Variants in COL25A1 observed in about 807,000 individuals in gnomAD.
COL25A1 encodes collagen type XXV alpha 1 chain, also known as collagen alpha-1(XXV) chain.
COL25A1 carries 103 observed loss-of-function variants against 128.4 expected under a neutral mutation model. That is an observed-to-expected ratio of 0.80 (90% CI 0.68 to 0.94). COL25A1 has a LOEUF of 0.94. Among genes scored for constraint, COL25A1 ranks in the 40% least tolerant of loss-of-function variants. COL25A1 has a pLI of 0.00. For synonymous variants in COL25A1, 279 were observed against 277.2 expected, an observed-to-expected ratio of 1.01 and a Z score of -0.06; for missense variants, 745 against 840.0, an observed-to-expected ratio of 0.89 and a Z score of 1.40.
intron 3 of COL25A1, among the ~76,000 whole-genome samples, chr4:109,218,038 C>A (rs1156604594): frequency 1.3e-5 from 2 of 151,884 alleles, no homozygotes; most frequent in Non-Finnish European, 2.9e-5. Flanking sequence ...GGCTCCAGAG[C>A]CTACACCTTT....
chr4:108,876,277 GAGA>G (rs1421936429), intron 19 of COL25A1, among the ~76,000 whole-genome samples: 3 of 151,746 alleles, frequency 2.0e-5, no homozygotes, highest in South Asian at 2.1e-4. Context: ...AAAGGATGAG[GAGA>G]AGGAGTAGTG....
At chr4:109,199,385 T>TCTGC (rs1776374212) in intron 3 of COL25A1, among the ~76,000 whole-genome samples, 1 of 152,128 alleles carries the variant, frequency 6.6e-6, no homozygotes, top group Admixed American at 6.6e-5. Flanking sequence ...GCTCAAGGGA[T>TCTGC]CTGCCTGCCT....
In COL25A1 at chr4:109,265,232, C is replaced by G. The variant is rs116595082; in HGVS notation, c.367+35351G>C. Among the ~76,000 whole-genome samples, 532 of 152,256 alleles carry G rather than the reference C, an allele frequency of 3.5e-3. 2 individuals are homozygous for G. The highest frequency in any genetic ancestry group is 0.012 in the African/African-American group (511 of 41,554). On this transcript the variant is annotated intron_variant, in intron 3 of 37. Transcript: ENST00000399132. ...CTATATCTGTTTTAACTCTCCTATTCTATTAACCTATCTGTTAACATTCGG... is the reference window on the plus strand; with the variant it reads ...CTATATCTGTTTTAACTCTCCTATTGTATTAACCTATCTGTTAACATTCGG...
intron 5 of COL25A1, among the ~76,000 whole-genome samples, chr4:109,041,533 T>C (rs778693418): frequency 6.5e-5 from 7 of 107,388 alleles, no homozygotes; most frequent in Non-Finnish European, 1.0e-4. Flanking sequence ...TTCTTTTTAC[T>C]TCTTCAGAAT....
chr4:108,990,239 A>AAAAATATAT (rs1754073231), intron 6 of COL25A1, among the ~76,000 whole-genome samples: 1 of 26,358 alleles, frequency 3.8e-5, no homozygotes, highest in Non-Finnish European at 6.4e-5. Flanking sequence ...AAAAAAAAAA[A>AAAAATATAT]ATATATATAT....
chr4:108,863,054 T>C (rs1473159315), intron 21 of COL25A1, among the ~76,000 whole-genome samples: 1 of 152,238 alleles, frequency 6.6e-6, no homozygotes, highest in African/African-American at 2.4e-5. Flanking sequence ...TAAGTTTTAA[T>C]ACACATTGAG....
chr4:109,279,180 G>A (rs569061300), intron 3 of COL25A1, among the ~76,000 whole-genome samples: 1 of 152,222 alleles, frequency 6.6e-6, no homozygotes, highest in South Asian at 2.1e-4. Flanking sequence ...CCAATTTGTT[G>A]TAACTGGTTC....
At chr4:108,943,738 T>C (rs1401708107) in intron 8 of COL25A1, among the ~76,000 whole-genome samples, 7 of 152,072 alleles carry the variant, frequency 4.6e-5, no homozygotes, top group South Asian at 2.1e-4. Context: ...GCGTTATCAA[T>C]TGGGTAAGTC....
At chr4:109,170,674 T>C (rs1773502739) in intron 3 of COL25A1, among the ~76,000 whole-genome samples, 1 of 152,168 alleles carries the variant, frequency 6.6e-6, no homozygotes, top group African/African-American at 2.4e-5. Flanking sequence ...ATAAATGCAT[T>C]TTCTTACTTG....
chr4:109,129,628 G>T (rs1263335715), intron 3 of COL25A1, among the ~76,000 whole-genome samples: 1 of 152,150 alleles, frequency 6.6e-6, no homozygotes, highest in East Asian at 1.9e-4. Context: ...ATGACTATAT[G>T]GTGTGATAAA....
intron 8 of COL25A1, among the ~76,000 whole-genome samples, chr4:108,960,609 GC>G (rs1244682304): frequency 6.6e-6 from 1 of 152,088 alleles, no homozygotes; most frequent in East Asian, 1.9e-4. Context: ...CTACGTTAGA[GC>G]CCCCTTTGTA....
chr4:108,973,875 T>C (rs1206910637), intron 8 of COL25A1, among the ~76,000 whole-genome samples: 2 of 152,190 alleles, frequency 1.3e-5, no homozygotes, highest in Admixed American at 6.5e-5. Flanking sequence ...TGCTTAAAAA[T>C]CTATAAAAAC....
chr4:108,933,417 T>C (rs1052605771), intron 11 of COL25A1, among the ~76,000 whole-genome samples: 10 of 152,266 alleles, frequency 6.6e-5, no homozygotes, highest in Admixed American at 3.3e-4. Flanking sequence ...GAGAATGTTA[T>C]GAAAAATTAA....
Position 108,974,385 on chromosome 4 carries a change from T to G in COL25A1, c.474A>C (p.Gln158His), listed in dbSNP as rs749195131. ...AACTTACCCTAGGTCCCTGATCACC[T>G]TGTTCTCCCTGTAGAATAGAAAGGT... ...PPGPKGDKGE[Q>H]GDQGPRMVFP... The change falls in exon 8 of 38, where the codon CAA (glutamine) becomes CAC (histidine). Residue 158 changes from glutamine (Q) to histidine (H), a missense_variant. Transcript: ENST00000399132. 29 of 1,613,870 alleles carry G rather than the reference T, an allele frequency of 1.8e-5. No individual in the cohort carries two copies. The Admixed American group carries it at 2.2e-4, about 12-fold the overall frequency.
chr4:109,012,422 TG>T (rs1243572232), intron 5 of COL25A1, among the ~76,000 whole-genome samples: 8 of 152,146 alleles, frequency 5.3e-5, no homozygotes, highest in Non-Finnish European at 7.3e-5. Context: ...AGCCCCTGTC[TG>T]GGCTGGCCAA....
At chr4:108,999,070 C>A (rs1755076368) in intron 6 of COL25A1, among the ~76,000 whole-genome samples, 1 of 152,118 alleles carries the variant, frequency 6.6e-6, no homozygotes, top group African/African-American at 2.4e-5. Context: ...AAGTTCATGA[C>A]TAAAACACCA....
intron 6 of COL25A1, among the ~76,000 whole-genome samples, chr4:109,009,302 T>A (rs1050214025): frequency 1.3e-5 from 2 of 152,080 alleles, no homozygotes; most frequent in African/African-American, 4.8e-5. Context: ...AGAGTGAAAA[T>A]CACAAATAAT....
intron 3 of COL25A1, among the ~76,000 whole-genome samples, chr4:109,094,252 G>C (rs543450710): frequency 2.0e-5 from 3 of 152,292 alleles, no homozygotes; most frequent in Non-Finnish European, 4.4e-5. Flanking sequence ...ATGGATAAAA[G>C]ATAGTATTTA....
intron 3 of COL25A1, among the ~76,000 whole-genome samples, chr4:109,178,953 A>T (rs1774369564): frequency 6.6e-6 from 1 of 152,144 alleles, no homozygotes; most frequent in Non-Finnish European, 1.5e-5. Flanking sequence ...TTGTGACATA[A>T]AGCCTCAATA....
Sources: allele counts gnomAD v4.1 joint callset (sites outside exome capture counted in the v4.1 genomes callset), GRCh38; gene constraint gnomAD v4.1.1; transcripts MANE v1.5; gene names NCBI Gene and HGNC (gene_info 2026-07-23, HGNC 2026-07-21).